The following SMG5 variants were observed in gnomAD, a reference collection of about 807,000 sequenced individuals.
The protein encoded by SMG5 is SMG5 nonsense mediated mRNA decay factor.
A neutral mutation model predicts 122.9 loss-of-function variants in SMG5; 53 were observed. That is an observed-to-expected ratio of 0.43 (90% confidence interval 0.35 to 0.54). SMG5 has a LOEUF of 0.54. Ranked by LOEUF, SMG5 falls within the 20% of genes least tolerant of loss-of-function variation. SMG5 has a pLI of 0.01. For missense variants in SMG5, 1,153 were observed against 1,285.6 expected (o/e 0.90, Z 1.58); for synonymous variants, 477 against 490.2 (o/e 0.97, Z 0.35).
At chr1:156,268,855 C>T (rs1399462479) in intron 7 of SMG5, among the ~76,000 whole-genome samples, 2 of 152,180 alleles carry the variant, frequency 1.3e-5, no homozygotes, top group Non-Finnish European at 2.9e-5. Context: ...CTGTGTCAGG[C>T]AATGTACCCT....
upstream of SMG5, chr1:156,286,539 G>A (rs1476498553): frequency 8.5e-6 from 13 of 1,535,816 alleles, no homozygotes; most frequent in Non-Finnish European, 1.1e-5. Context: ...GCATCTGAAT[G>A]TCTGGAGAGC....
chr1:156,259,667 T>A (rs1051386657), intron 15 of SMG5, among the ~76,000 whole-genome samples: 1 of 152,086 alleles, frequency 6.6e-6, no homozygotes, highest in Non-Finnish European at 1.5e-5. Flanking sequence ...TAGCTGGGAC[T>A]ACAGGTGCGC....
chr1:156,286,546 G>C (rs1663169758), upstream of SMG5: 3 of 1,504,088 alleles, frequency 2.0e-6, no homozygotes, highest in Admixed American at 1.7e-5. Flanking sequence ...AATGTCTGGA[G>C]AGCCAGGGTC....
intron 4 of SMG5, among the ~76,000 whole-genome samples, chr1:156,275,628 T>G (rs1662648536): frequency 2.0e-5 from 3 of 152,184 alleles, no homozygotes; most frequent in Admixed American, 2.0e-4. Flanking sequence ...GAAAAGCCAG[T>G]CCTAATGTTT....
Position 156,250,623 on chromosome 1 carries a change from A to G in SMG5, c.3015T>C (p.Val1005=), listed in dbSNP as rs1661304121. 6.2e-7 allele frequency: 1 copy of G among 1,613,982 alleles called. No homozygotes were observed. The highest frequency in any genetic ancestry group is 1.3e-5 in the African/African-American group (1 of 74,894). The change falls in exon 22 of 22, where the codon GTT becomes GTC. Residue 1005 remains valine (V), a synonymous_variant. Transcript: ENST00000361813. ...CCTTCCACTGCTTGTAGAAGTCCAG[A>G]ACATTCTTGATGTCCACACTGGCGT... ...AAHASVDIKN[V]LDFYKQWKEI... is the part of the protein sequence containing the mutation.
chr1:156,284,254 TG>T (rs776155444), upstream of SMG5: 1 of 152,234 alleles, frequency 6.6e-6, no homozygotes, highest in Non-Finnish European at 1.5e-5. Context: ...CCCTTTAAGC[TG>T]GGCCCCACCT....
Position 156,265,844 on chromosome 1 carries a change from G to A in SMG5, c.1792C>T (p.Pro598Ser), listed in dbSNP as rs145457977. The A allele has an allele frequency of 2.4e-5, 38 of 1,614,218 alleles. No individual in the cohort carries two copies. The highest frequency in any genetic ancestry group is 3.2e-5 in the Non-Finnish European group (38 of 1,180,042). ...SNLLLQPTTN[P>S]HTSASHRPCV... ...GGCCTGTGGCTGGCCGAGGTATGAGGGTTGGTGGTGGGCTGGAGGAGCAGG... is the reference window on the plus strand; with the variant it reads ...GGCCTGTGGCTGGCCGAGGTATGAGAGTTGGTGGTGGGCTGGAGGAGCAGG... The change falls in exon 12 of 22, where the codon CCT (proline) becomes TCT (serine). Residue 598 changes from proline to serine, a missense_variant. Coordinates refer to ENST00000361813, the MANE Select transcript of SMG5 (RefSeq NM_015327.3).
Position 156,274,713 on chromosome 1 carries a change from T to C in SMG5, c.455-27A>G, listed in dbSNP as rs377334153. ...TATGAGACAAAGAGAAAGAGATTTG[T>C]AGGCCCATTCTTCTGCCTTCCCGCA... On this transcript the variant is annotated intron_variant, in intron 4 of 21. Coordinates refer to ENST00000361813, the MANE Select transcript of SMG5 (RefSeq NM_015327.3). 19 of 1,595,834 alleles carry C rather than the reference T, an allele frequency of 1.2e-5. No homozygotes were observed. In the South Asian group the frequency reaches 1.3e-4, roughly 11 times the overall value.
intron 6 of SMG5, 122 bp from the exon 7 acceptor site, chr1:156,272,520 G>A: frequency 1.4e-6 from 1 of 708,288 alleles, no homozygotes. Context: ...AGGCAACACT[G>A]GTTGTCTCAG....
intron 4 of SMG5, among the ~76,000 whole-genome samples, chr1:156,276,785 A>G (rs1209140525): frequency 6.6e-6 from 1 of 152,244 alleles, no homozygotes; most frequent in Non-Finnish European, 1.5e-5. Context: ...GTGCTGGCCA[A>G]ATTCAACTGG....
chr1:156,260,590 T>C lies in SMG5; in HGVS notation c.2144A>G (p.Glu715Gly). The change falls in exon 15 of 22, where the codon GAA (glutamate) becomes GGA (glycine). Residue 715 changes from glutamate (E) to glycine (G), a missense_variant. By Grantham distance (98) the Glu-to-Gly change is moderately conservative (BLOSUM62 -2). Transcript: ENST00000361813. Reference protein sequence around the residue: ...ALCPEVQDLLEGCELPDLPSS... With the variant: ...ALCPEVQDLLGGCELPDLPSS... ...GGGGAGGTCAGGCAGTTCACAACCT[T>C]CAAGAAGATCTTGGACCTCAGGACA... 1 of 1,519,620 alleles carries C rather than the reference T, an allele frequency of 6.6e-7. No individual in the cohort carries two copies. The highest frequency in any genetic ancestry group is 8.8e-7 in the Non-Finnish European group (1 of 1,139,496). The allele number at this position is 1,519,620 out of a possible 1,614,324, so 94.1% of individuals were successfully genotyped here. A position where few individuals can be genotyped will look rare whatever the true frequency, so the allele number is the denominator to read the frequency against.
chr1:156,253,258 C>G (rs945993513), intron 17 of SMG5, among the ~76,000 whole-genome samples, 180 bp from the exon 18 acceptor site: 4 of 151,910 alleles, frequency 2.6e-5, no homozygotes, highest in African/African-American at 9.7e-5. Flanking sequence ...GAGGGAGAGA[C>G]AGAAATGAAG....
chr1:156,274,907 A>T (rs1662611822), intron 4 of SMG5, among the ~76,000 whole-genome samples: 1 of 152,148 alleles, frequency 6.6e-6, no homozygotes, highest in African/African-American at 2.4e-5. Context: ...ATTCATTCAT[A>T]GGACAGGAAG....
chr1:156,251,667 G>A (rs1323303771), intron 19 of SMG5, among the ~76,000 whole-genome samples, 190 bp from the exon 20 acceptor site: 1 of 152,124 alleles, frequency 6.6e-6, no homozygotes, highest in Non-Finnish European at 1.5e-5. Context: ...TTTTCCTCCT[G>A]ATAACATCAA....
At chr1:156,274,511 C>A (rs1164095229) in intron 5 of SMG5, 86 bp downstream of exon 5, 1 of 1,215,312 alleles carries the variant, frequency 8.2e-7, no homozygotes, top group South Asian at 1.2e-5. Flanking sequence ...GCTCTCCAAC[C>A]ATGTAATGGG....
chr1:156,281,140 TA>T (rs1313234385), intron 1 of SMG5, among the ~76,000 whole-genome samples: 2 of 152,298 alleles, frequency 1.3e-5, no homozygotes, highest in East Asian at 3.9e-4. Context: ...TAATAAATTA[TA>T]AAAACAGTGA....
intron 12 of SMG5, among the ~76,000 whole-genome samples, chr1:156,264,558 A>G (rs1273095833): frequency 2.6e-5 from 4 of 152,214 alleles, no homozygotes; most frequent in Admixed American, 2.6e-4. Context: ...AAAGGACTGG[A>G]GGCTGCAGAG....
chr1:156,256,632 G>A (rs542161290), intron 16 of SMG5, among the ~76,000 whole-genome samples: 14 of 152,126 alleles, frequency 9.2e-5, no homozygotes, highest in Admixed American at 4.6e-4. Context: ...CAAGAAGATG[G>A]AGCTGTGCTA....
rs200255563 is a variant in SMG5 at position 156,261,386 on chromosome 1, C to T, written c.2054G>A (p.Arg685His). The change falls in exon 14 of 22, where the codon CGC becomes CAC. Residue 685 changes from arginine (R) to histidine (H), a missense_variant. Physicochemically the swap from Arg to His is conservative, Grantham distance 29. Coordinates refer to ENST00000361813, the MANE Select transcript of SMG5 (RefSeq NM_015327.3). ...CAQSSQSLWN[R>H]LSVLLNLLPA... ...CAACAGATTCAGCAACACAGACAGG[C>T]GGTTCCACAGACTTTGAGAGCTCTG... The T allele has an allele frequency of 1.1e-4, 175 of 1,613,962 alleles. No homozygotes were observed. The highest frequency in any genetic ancestry group is 1.4e-4 in the Non-Finnish European group (161 of 1,180,028).
Sources: gnomAD v4.1 joint callset for allele counts (sites outside exome capture counted in the v4.1 genomes callset) on GRCh38, gnomAD v4.1.1 for gene constraint, MANE v1.5 for transcripts, NCBI Gene and HGNC (gene_info 2026-07-23, HGNC 2026-07-21) for gene names.